The following SH3PXD2A variants were observed in gnomAD, a reference collection of about 807,000 sequenced individuals.
The protein encoded by SH3PXD2A is SH3 and PX domain-containing protein 2A.
In SH3PXD2A, 32 loss-of-function variants were observed where a neutral mutation model predicts 115.2. The ratio of observed to expected loss-of-function variants is 0.28; its 90% CI spans 0.21 to 0.37. SH3PXD2A has a LOEUF of 0.37. Among genes scored for constraint, SH3PXD2A ranks in the 10% least tolerant of loss-of-function variants. SH3PXD2A has a pLI of 1.00. For missense variants in SH3PXD2A, 1,328 were observed against 1,498.7 expected, an observed-to-expected ratio of 0.89 and a Z score of 1.88; for synonymous variants, 610 against 629.1, an observed-to-expected ratio of 0.97 and a Z score of 0.45.
At chr10:103,688,729 C>A (rs1564864416) in intron 6 of SH3PXD2A, among the ~76,000 whole-genome samples, 3 of 152,078 alleles carry the variant, frequency 2.0e-5, no homozygotes, top group Admixed American at 1.3e-4. Context: ...GGAAGGCAGC[C>A]AGGGGCCAAG....
intron 2 of SH3PXD2A, among the ~76,000 whole-genome samples, chr10:103,799,129 G>C (rs4918053): frequency 6.6e-6 from 1 of 151,440 alleles, no homozygotes. Flanking sequence ...ACCGGTCCCA[G>C]GGAATGTGCC....
intron 3 of SH3PXD2A, among the ~76,000 whole-genome samples, chr10:103,744,746 G>A (rs1439413263): frequency 3.3e-5 from 5 of 152,148 alleles, no homozygotes; most frequent in South Asian, 2.1e-4. Context: ...TGCAGGTTCC[G>A]GAAAGACACA....
At chr10:103,679,724 G>A (rs2037585629) in intron 6 of SH3PXD2A, among the ~76,000 whole-genome samples, 1 of 152,236 alleles carries the variant, frequency 6.6e-6, no homozygotes, top group African/African-American at 2.4e-5. Flanking sequence ...GTCCCCCTGG[G>A]GGGGCCATTG....
At chr10:103,605,653 A>G in intron 14 of SH3PXD2A, 145 bp downstream of exon 14, 1 of 968,034 alleles carries the variant, frequency 1.0e-6, no homozygotes, top group Non-Finnish European at 1.6e-6. Context: ...CGCCAGGCAG[A>G]TGCTCATCTT....
intron 4 of SH3PXD2A, among the ~76,000 whole-genome samples, chr10:103,731,166 T>C (rs955155824): frequency 7.1e-6 from 1 of 140,766 alleles, no homozygotes; most frequent in Non-Finnish European, 1.6e-5. Flanking sequence ...CCCGTTTTTG[T>C]TTTTTTTTTT....
chr10:103,627,847 G>A lies in SH3PXD2A; in HGVS notation c.605-645C>T, dbSNP rs2036721143. On this transcript the variant is annotated intron_variant, in intron 8 of 14. Coordinates refer to ENST00000369774, the MANE Select transcript of SH3PXD2A (RefSeq NM_001394015.1). This position sits in a 1 kb window ranked among gnomAD's most constrained non-coding sequence, Gnocchi z 4.4. ...AAAGTCCTCTGAGCACCCAGGTCTT[G>A]GGACTCCACTAACTGCCTTTGGTCC... Among the ~76,000 whole-genome samples the A allele has an allele frequency of 1.3e-5, 2 of 152,184 alleles. No homozygotes were observed. Among genetic ancestry groups the A allele is most frequent in the Admixed American group, 6.5e-5 (1 of 15,280 alleles).
chr10:103,724,503 G>A (rs2038218113), intron 4 of SH3PXD2A, 142 bp from the exon 5 acceptor site: 1 of 525,506 alleles, frequency 1.9e-6, no homozygotes, highest in Non-Finnish European at 3.4e-6. Flanking sequence ...CCACCCACCT[G>A]TCCACCCAGA....
At chr10:103,851,710 C>T (rs554548596) in intron 1 of SH3PXD2A, among the ~76,000 whole-genome samples, 7 of 152,268 alleles carry the variant, frequency 4.6e-5, no homozygotes, top group African/African-American at 1.7e-4. Context: ...CACGAAAACA[C>T]GAGTGTTAAG....
At chr10:103,835,378 G>A (rs995800516) in intron 1 of SH3PXD2A, among the ~76,000 whole-genome samples, 1 of 152,160 alleles carries the variant, frequency 6.6e-6, no homozygotes, top group South Asian at 2.1e-4. Context: ...GTCCACCCGC[G>A]ATCCCTTCCA....
intron 1 of SH3PXD2A, among the ~76,000 whole-genome samples, chr10:103,804,109 G>A (rs1257573606): frequency 6.6e-6 from 1 of 152,082 alleles, no homozygotes; most frequent in East Asian, 1.9e-4. Context: ...GCTTCAGAGA[G>A]AACAGATTGT....
chr10:103,749,083 G>A (rs2038543602), intron 3 of SH3PXD2A, among the ~76,000 whole-genome samples: 1 of 152,132 alleles, frequency 6.6e-6, no homozygotes, highest in African/African-American at 2.4e-5. Context: ...TAGAGATGGG[G>A]TTTCACTATG....
At position 103,597,165 on chromosome 10, in the gene SH3PXD2A, G is replaced by A. The variant is rs2133896179; in HGVS notation, c.*4651C>T. The A allele has an allele frequency of 6.5e-6, 1 of 152,700 alleles. No individual in the cohort carries two copies. Among genetic ancestry groups the A allele is most frequent in the South Asian group, 2.1e-4 (1 of 4,830 alleles). 9.5% of individuals were successfully genotyped at this position (152,700 alleles called of 1,614,324 possible). A position where few individuals can be genotyped will look rare whatever the true frequency, so the allele number is the denominator to read the frequency against. On this transcript the variant is annotated 3_prime_UTR_variant, in exon 15 of 15. Transcript: ENST00000369774. ...GGCAGGGCTCACTTCTCAGGCTGAA[G>A]TCGCTGAGATGAATGGGCAGCCCAG...
At chr10:103,828,777 T>G (rs1367225562) in intron 1 of SH3PXD2A, among the ~76,000 whole-genome samples, 1 of 152,246 alleles carries the variant, frequency 6.6e-6, no homozygotes, top group African/African-American at 2.4e-5. Flanking sequence ...CAAAGACTGT[T>G]TGTGTTCTGT....
chr10:103,786,485 C>T (rs1052792515), intron 2 of SH3PXD2A, among the ~76,000 whole-genome samples: 2 of 152,000 alleles, frequency 1.3e-5, no homozygotes, highest in Non-Finnish European at 2.9e-5. Flanking sequence ...GGCAACATAG[C>T]GAGACCCCCC....
Position 103,838,573 on chromosome 10 carries a change from G to A in SH3PXD2A, c.72+16622C>T, listed in dbSNP as rs1012913344. Among the ~76,000 whole-genome samples the A allele has an allele frequency of 3.9e-5, 6 of 152,164 alleles. No individual in the cohort carries two copies. The East Asian group carries it at 1.2e-3, about 29-fold the overall frequency. ...CATTCTCTTCACTAATGTGTCAGAAGGCAGCACCCCAAATGTTGGGAATGG... is the reference window on the plus strand; with the variant it reads ...CATTCTCTTCACTAATGTGTCAGAAAGCAGCACCCCAAATGTTGGGAATGG... On this transcript the variant is annotated intron_variant, in intron 1 of 14. Coordinates refer to ENST00000369774, the MANE Select transcript of SH3PXD2A (RefSeq NM_001394015.1).
intron 1 of SH3PXD2A, among the ~76,000 whole-genome samples, chr10:103,805,876 T>C (rs2039196943): frequency 6.6e-6 from 1 of 152,182 alleles, no homozygotes; most frequent in African/African-American, 2.4e-5. Flanking sequence ...AAACAAAAAT[T>C]GAAAATTCAC....
intron 6 of SH3PXD2A, among the ~76,000 whole-genome samples, chr10:103,676,477 G>C (rs574366065): frequency 2.6e-4 from 40 of 152,330 alleles, no homozygotes; most frequent in African/African-American, 8.9e-4. Context: ...CCCAGCCTAA[G>C]TGGGTGTGGA....
intron 3 of SH3PXD2A, among the ~76,000 whole-genome samples, chr10:103,744,189 T>C (rs1032820746): frequency 6.6e-6 from 1 of 150,506 alleles, no homozygotes; most frequent in Non-Finnish European, 1.5e-5. Context: ...GTTTCGCTCT[T>C]GTTGCCCAGG....
intron 13 of SH3PXD2A, among the ~76,000 whole-genome samples, chr10:103,610,902 T>C (rs2036416945): frequency 1.3e-5 from 2 of 151,882 alleles, no homozygotes; most frequent in South Asian, 4.2e-4. Context: ...GCCTGGCACT[T>C]GAAGACACAC....
Sources: gnomAD v4.1 joint callset for allele counts (sites outside exome capture counted in the v4.1 genomes callset) on GRCh38, gnomAD v4.1.1 for gene constraint, Gnocchi (gnomAD v3.1) non-coding constraint, MANE v1.5 for transcripts, NCBI Gene and HGNC (gene_info 2026-07-23, HGNC 2026-07-21) for gene names.